BNC2: variants seen among roughly 807,000 people sequenced by gnomAD.
BNC2 encodes the protein basonuclin zinc finger protein 2, also known as zinc finger protein basonuclin-2.
Under a neutral mutation model 76.3 loss-of-function variants are expected in BNC2, and 20 were observed. That is an observed-to-expected ratio of 0.26 (90% CI 0.18 to 0.38). The LOEUF (loss-of-function observed/expected upper bound fraction) is 0.38. BNC2 is among the 10% of genes least tolerant of loss of function. The pLI is 1.00. For missense variants in BNC2, 1,382 were observed against 1,399.8 expected (o/e 0.99, Z 0.20); for synonymous variants, 582 against 514.8 (o/e 1.13, Z -1.77).
rs1475578034 is a variant in BNC2, at chr9:16,481,237, G to A, written c.670-43713C>T. Among the ~76,000 whole-genome samples the A allele has an allele frequency of 2.0e-5, 3 of 151,966 alleles. No homozygotes were observed. In the East Asian group the frequency reaches 5.8e-4, roughly 29 times the overall value. ...AGCGCCCTGTCAAAACAGACTACTC[G>A]GCTCTACCAATCAGCAGGATGTGGG... On this transcript the variant is annotated intron_variant, in intron 5 of 6. Transcript: ENST00000380672.
At chr9:16,538,898 A>T (rs887578056) in intron 5 of BNC2, among the ~76,000 whole-genome samples, 5 of 152,222 alleles carry the variant, frequency 3.3e-5, no homozygotes, top group Admixed American at 2.6e-4. Context: ...TGCAATAATT[A>T]TAGATCATAC....
At chr9:16,551,179 A>G (rs1818651445) in intron 5 of BNC2, among the ~76,000 whole-genome samples, 1 of 152,164 alleles carries the variant, frequency 6.6e-6, no homozygotes, top group African/African-American at 2.4e-5. Context: ...TATCACCATC[A>G]TCTCATCTTT....
chr9:16,822,987 C>A (rs1818375140), intron 1 of BNC2, among the ~76,000 whole-genome samples: 1 of 152,034 alleles, frequency 6.6e-6, no homozygotes, highest in Non-Finnish European at 1.5e-5. Context: ...TTTCAAGAAC[C>A]TAGAAAATGG....
At chr9:16,610,514 A>G (rs968914763) in intron 3 of BNC2, among the ~76,000 whole-genome samples, 4 of 152,232 alleles carry the variant, frequency 2.6e-5, no homozygotes, top group African/African-American at 9.6e-5. Context: ...ATAAGGGTCT[A>G]TGAATTGAAA....
At chr9:16,554,232 A>T (rs1442284495) in intron 4 of BNC2, among the ~76,000 whole-genome samples, 1 of 152,182 alleles carries the variant, frequency 6.6e-6, no homozygotes, top group African/African-American at 2.4e-5. Flanking sequence ...CTGCATAATC[A>T]TGGAGGAATT....
chr9:16,621,407 T>C (rs1356586100), intron 3 of BNC2, among the ~76,000 whole-genome samples: 1 of 152,086 alleles, frequency 6.6e-6, no homozygotes, highest in African/African-American at 2.4e-5. Context: ...GGGAGTAAAG[T>C]GACGAAGGAA....
At chr9:16,519,255 G>A (rs932435515) in intron 5 of BNC2, among the ~76,000 whole-genome samples, 11 of 152,168 alleles carry the variant, frequency 7.2e-5, no homozygotes, top group African/African-American at 2.7e-4. Flanking sequence ...AGGTATGAGG[G>A]GGTGATTCTT....
At chr9:16,494,134 A>C (rs1441915261) in intron 5 of BNC2, among the ~76,000 whole-genome samples, 1 of 152,130 alleles carries the variant, frequency 6.6e-6, no homozygotes, top group East Asian at 1.9e-4. Flanking sequence ...ATAAAATACG[A>C]AATATATTAG....
chr9:16,419,919 C>G (rs536953412), intron 6 of BNC2, among the ~76,000 whole-genome samples: 1 of 152,018 alleles, frequency 6.6e-6, no homozygotes, highest in Non-Finnish European at 1.5e-5. Flanking sequence ...AATGCAAACC[C>G]GTGCACCTTT....
At chr9:16,664,222 C>T (rs903570802) in intron 3 of BNC2, among the ~76,000 whole-genome samples, 9 of 152,180 alleles carry the variant, frequency 5.9e-5, no homozygotes, top group African/African-American at 2.2e-4. Context: ...TTATTGATTT[C>T]CTAAACATAC....
intron 1 of BNC2, among the ~76,000 whole-genome samples, chr9:16,789,183 T>C (rs34926199): frequency 0.21 from 31,830 of 151,956 alleles, 4,686 homozygotes; most frequent in East Asian, 0.55. Context: ...CACAAAACTA[T>C]AGGGGCAGAA....
intron 5 of BNC2, among the ~76,000 whole-genome samples, chr9:16,491,501 C>G (rs969190386): frequency 1.3e-5 from 2 of 152,130 alleles, no homozygotes; most frequent in Non-Finnish European, 1.5e-5. Context: ...CGCAGTATTC[C>G]TTCAAAATAA....
At chr9:16,842,630 T>C (rs1352745851) in intron 1 of BNC2, among the ~76,000 whole-genome samples, 3 of 152,186 alleles carry the variant, frequency 2.0e-5, no homozygotes, top group African/African-American at 4.8e-5. Flanking sequence ...GAATTTTATC[T>C]CCATTTTAAA....
intron 5 of BNC2, among the ~76,000 whole-genome samples, chr9:16,470,973 T>C (rs779557356): frequency 1.8e-4 from 28 of 152,070 alleles, no homozygotes; most frequent in Non-Finnish European, 1.3e-4. Context: ...CAACTTGTAC[T>C]ATGCACCTGG....
rs769736710 is a variant in BNC2 at position 16,437,034 on chromosome 9, A to G, written c.1160T>C (p.Leu387Pro). 4 of 1,614,006 alleles carry G rather than the reference A, an allele frequency of 2.5e-6. No individual in the cohort carries two copies. The African/African-American group carries it at 4.0e-5, about 16-fold the overall frequency. ...KNDQTPNRNA[L>P]TSITNVEPKT... ...GGGCTCCACATTAGTAATGCTGGTC[A>G]GGGCATTTCTATTGGGTGTTTGATC... Residue 387 changes from leucine to proline, a missense_variant, in exon 6 of 7, where the codon CTG (leucine) becomes CCG (proline). Leu to Pro is a moderately conservative substitution (Grantham distance 98). This residue lies in a region of BNC2 where 557 missense variants were observed against 540.9 expected (regional missense o/e 1.03). Coordinates refer to ENST00000380672, the MANE Select transcript of BNC2 (RefSeq NM_017637.6).
At chr9:16,510,115 C>T (rs1822718928) in intron 5 of BNC2, among the ~76,000 whole-genome samples, 1 of 152,210 alleles carries the variant, frequency 6.6e-6, no homozygotes, top group Admixed American at 6.5e-5. Context: ...TTGCCACGGT[C>T]AGGGAGACCT....
intron 1 of BNC2, among the ~76,000 whole-genome samples, chr9:16,793,919 G>A (rs1196569215): frequency 3.0e-4 from 44 of 144,434 alleles, no homozygotes; most frequent in South Asian, 6.6e-4. Context: ...AGCCAGGATG[G>A]TCTCGATCTC....
At chr9:16,679,658 C>T (rs762092246) in intron 3 of BNC2, among the ~76,000 whole-genome samples, 3 of 152,184 alleles carry the variant, frequency 2.0e-5, no homozygotes, top group Non-Finnish European at 2.9e-5. Flanking sequence ...CTCTGAAGGA[C>T]GTTCCCTAGA....
rs1445628639 is a variant in BNC2, at chr9:16,413,198, T to G, written c.*5791A>C. ...ATCCTATATAAAAAAGATTTTTTTT[T>G]TTCCTGCAGTAAAGGTCAAATGAAT... On this transcript the variant is annotated 3_prime_UTR_variant, in exon 7 of 7. Coordinates refer to ENST00000380672, the MANE Select transcript of BNC2 (RefSeq NM_017637.6). 1 of 152,238 alleles carries G rather than the reference T, an allele frequency of 6.6e-6. No homozygotes were observed. The highest frequency in any genetic ancestry group is 1.5e-5 in the Non-Finnish European group (1 of 68,040). 9.4% of individuals were successfully genotyped at this position (152,238 alleles called of 1,614,324 possible). A position where few individuals can be genotyped will look rare whatever the true frequency, so the allele number is the denominator to read the frequency against.
Sources: allele counts gnomAD v4.1 joint callset (sites outside exome capture counted in the v4.1 genomes callset), GRCh38; gene constraint gnomAD v4.1.1; regional missense constraint gnomAD v4.1.1; transcripts MANE v1.5; gene names NCBI Gene and HGNC (gene_info 2026-07-23, HGNC 2026-07-21).